The following SAMHD1 variants were observed in gnomAD, a reference collection of about 807,000 sequenced individuals.
The protein encoded by SAMHD1 is SAM and HD domain containing deoxynucleoside triphosphate triphosphohydrolase 1.
A neutral mutation model predicts 79.6 loss-of-function variants in SAMHD1; 54 were observed. The ratio of observed to expected loss-of-function variants is 0.68; its 90% CI spans 0.55 to 0.85. The LOEUF (loss-of-function observed/expected upper bound fraction) is 0.85. SAMHD1 is among the 40% of genes least tolerant of loss of function. SAMHD1 has a pLI of 0.00. For missense variants in SAMHD1, 663 were observed against 782.7 expected (o/e 0.85, Z 1.82); for synonymous variants, 260 against 264.1 (o/e 0.98, Z 0.15).
intron 2 of SAMHD1, among the ~76,000 whole-genome samples, chr20:36,943,537 CCTTT>C (rs1383741606): frequency 6.6e-6 from 1 of 152,122 alleles, no homozygotes; most frequent in East Asian, 1.9e-4. Context: ...ATATAGTGTT[CCTTT>C]GTCTGTTTTG....
At chr20:36,929,012 G>A (rs527326597) in intron 5 of SAMHD1, among the ~76,000 whole-genome samples, 13 of 150,640 alleles carry the variant, frequency 8.6e-5, no homozygotes, top group Non-Finnish European at 1.5e-4. Flanking sequence ...AGCCAAGATC[G>A]TACCATTGCA....
At chr20:36,925,097 A>C (rs1212679433) in intron 6 of SAMHD1, among the ~76,000 whole-genome samples, 1 of 151,288 alleles carries the variant, frequency 6.6e-6, no homozygotes, top group East Asian at 1.9e-4. Flanking sequence ...TGGAGGTTGC[A>C]GTGAGCCAAG....
At position 36,911,287 on chromosome 20, in the gene SAMHD1, C is replaced by T. The variant is rs2063438570; in HGVS notation, c.1201G>A (p.Gly401Ser). 1.9e-6 allele frequency: 3 copies of T among 1,612,978 alleles called. No homozygotes were observed. Among genetic ancestry groups the T allele is most frequent in the African/African-American group, 1.3e-5 (1 of 75,006 alleles). Residue 401 changes from glycine (G) to serine (S), a missense_variant, in exon 11 of 16, where the codon GGT (glycine) becomes AGT (serine). Transcript: ENST00000646673. ...ATGCGATACTTTTTTCCTCCAGCAC[C>T]TGTAATCTCTATGTAGTCATCTGCT... ...LKADDYIEIT[G>S]AGGKKYRIST...
rs118119741 is a variant in SAMHD1 at position 36,925,678 on chromosome 20, G to A, written c.696+1504C>T. ...GCAAGCAATCAAACTTTTTAAACGAGTAAAATGTTGAGAGTTCTTTGCAGA... is the reference window on the plus strand; with the variant it reads ...GCAAGCAATCAAACTTTTTAAACGAATAAAATGTTGAGAGTTCTTTGCAGA... On this transcript the variant is annotated intron_variant, in intron 6 of 15. Coordinates refer to ENST00000646673, the MANE Select transcript of SAMHD1 (RefSeq NM_015474.4). 4.2e-3 allele frequency among the ~76,000 whole-genome samples: 634 copies of A among 152,284 alleles called. 1 individual carries two copies. Among genetic ancestry groups the A allele is most frequent in the Non-Finnish European group, 7.2e-3 (488 of 68,008 alleles).
At chr20:36,935,432 G>C in intron 3 of SAMHD1, 1 of 513,710 alleles carries the variant, frequency 1.9e-6, no homozygotes, top group Middle Eastern at 5.6e-4. Context: ...AGAAAAATAA[G>C]GATTTTGATT....
intron 11 of SAMHD1, 54 bp downstream of exon 11, chr20:36,911,164 G>A: frequency 2.0e-6 from 2 of 996,654 alleles, no homozygotes; most frequent in Non-Finnish European, 3.2e-6. Context: ...GCAATTCAGG[G>A]ACTTCTTACA....
chr20:36,908,633 T>TC (rs1601122297), intron 11 of SAMHD1, among the ~76,000 whole-genome samples: 1 of 152,266 alleles, frequency 6.6e-6, no homozygotes, highest in South Asian at 2.1e-4. Context: ...ACATGCCTTT[T>TC]CCCCCCATTT....
At chr20:36,948,532 C>T (rs946137567) in intron 1 of SAMHD1, among the ~76,000 whole-genome samples, 7 of 151,102 alleles carry the variant, frequency 4.6e-5, no homozygotes, top group South Asian at 2.2e-4. Flanking sequence ...GGATTACAGG[C>T]GTGAGCCACC....
chr20:36,910,793 G>A (rs1313921224), intron 11 of SAMHD1, among the ~76,000 whole-genome samples: 1 of 151,820 alleles, frequency 6.6e-6, no homozygotes, highest in Non-Finnish European at 1.5e-5. Flanking sequence ...TATACTAGGT[G>A]CTATGCCTCA....
chr20:36,933,906 C>T (rs1435640504), intron 4 of SAMHD1, among the ~76,000 whole-genome samples: 4 of 151,712 alleles, frequency 2.6e-5, no homozygotes, highest in African/African-American at 9.7e-5. Context: ...ATTAGCCAGG[C>T]GTGGTGGTGG....
In SAMHD1 at chr20:36,898,235, C is replaced by T. The variant is rs142177445; in HGVS notation, c.1608+205G>A. Among the ~76,000 whole-genome samples the T allele has an allele frequency of 3.3e-5, 5 of 152,152 alleles. No homozygotes were observed. In the East Asian group the frequency reaches 7.7e-4, roughly 24 times the overall value. On this transcript the variant is annotated intron_variant, in intron 14 of 15. Coordinates refer to ENST00000646673, the MANE Select transcript of SAMHD1 (RefSeq NM_015474.4). ...TAGAGATGGGGTCTCGCTTTGTTGG[C>T]CAGGCTGATCTTAAGCTCTTCGTCT...
rs201151309 is a variant in SAMHD1 at position 36,945,005 on chromosome 20, C to CTATG, written c.275+1729_275+1732dup. ...CATACACAGAGATGGATCTATGTAA[C>CTATG]TATGTATGTATGTATGTATATATGT... is the stretch of plus-strand genomic sequence containing the variant. On this transcript the variant is annotated intron_variant, in intron 2 of 15. Transcript: ENST00000646673. Among the ~76,000 whole-genome samples the CTATG allele has an allele frequency of 9.8e-4, 149 of 152,140 alleles. No homozygotes were observed. In the East Asian group the frequency reaches 0.022, roughly 23 times the overall value.
At chr20:36,903,269 T>G (rs1342982620) in intron 13 of SAMHD1, among the ~76,000 whole-genome samples, 1 of 152,116 alleles carries the variant, frequency 6.6e-6, no homozygotes, top group Non-Finnish European at 1.5e-5. Flanking sequence ...CAGTGCTGTC[T>G]CGCTCTGTTG....
intron 15 of SAMHD1, 139 bp downstream of exon 15, chr20:36,897,683 G>A (rs1485571771): frequency 1.1e-6 from 1 of 940,002 alleles, no homozygotes; most frequent in Non-Finnish European, 1.7e-6. Context: ...TAAAAGGAAA[G>A]AAAGTGAAAG....
chr20:36,922,972 G>GA (rs2063515003), intron 6 of SAMHD1, among the ~76,000 whole-genome samples: 1 of 150,990 alleles, frequency 6.6e-6, no homozygotes, highest in African/African-American at 2.4e-5. Context: ...TAATGATTCA[G>GA]AAAAAAAATA....
chr20:36,899,826 T>C (rs1037707963), intron 13 of SAMHD1, among the ~76,000 whole-genome samples: 5 of 152,122 alleles, frequency 3.3e-5, no homozygotes, highest in African/African-American at 9.7e-5. Context: ...AGAGGCGCAA[T>C]GGCTCACGCC....
chr20:36,946,153 C>T (rs891663247), intron 2 of SAMHD1, among the ~76,000 whole-genome samples: 5 of 151,784 alleles, frequency 3.3e-5, no homozygotes, highest in African/African-American at 9.7e-5. Context: ...CAGCCGGGCG[C>T]GGTAATTCCA....
rs1355993629 is a variant in SAMHD1 at position 36,919,495 on chromosome 20, ACAT to A, written c.718_720del (p.Met240del). 1.9e-6 allele frequency: 3 copies of A among 1,613,614 alleles called. No individual in the cohort carries two copies. The highest frequency in any genetic ancestry group is 3.3e-5 in the Admixed American group (2 of 60,000). On this transcript the variant is annotated inframe_deletion, in exon 7 of 16. Coordinates refer to ENST00000646673, the MANE Select transcript of SAMHD1 (RefSeq NM_015474.4). Reference sequence around the variant, plus strand: ...CCATTAGAATTAATAAGGTGCTCAAACATCATAACTGAGCCTTGTTCATGCTAG... The same window carrying A: ...CCATTAGAATTAATAAGGTGCTCAAACATAACTGAGCCTTGTTCATGCTAG...
intron 12 of SAMHD1, chr20:36,904,483 C>G (rs1176271312): frequency 4.4e-6 from 2 of 456,962 alleles, no homozygotes; most frequent in African/African-American, 4.0e-5. Context: ...CTTTGGGAGG[C>G]CCAGGTGGGC....
Sources: allele counts gnomAD v4.1 joint callset (sites outside exome capture counted in the v4.1 genomes callset), GRCh38; gene constraint gnomAD v4.1.1; transcripts MANE v1.5; gene names NCBI Gene and HGNC (gene_info 2026-07-23, HGNC 2026-07-21).